The following KLF12 variants were observed in gnomAD, a reference collection of about 807,000 sequenced individuals.
The protein encoded by KLF12 is Krueppel-like factor 12.
A neutral mutation model predicts 37.8 loss-of-function variants in KLF12; 9 were observed. That is an observed-to-expected ratio of 0.24 (90% CI 0.14 to 0.42). The LOEUF (loss-of-function observed/expected upper bound fraction) is 0.42, where lower values mean the gene tolerates loss of function less well. KLF12 is among the 10% of genes least tolerant of loss of function. The pLI is 1.00. For missense variants in KLF12, 411 were observed against 516.0 expected (o/e 0.80, Z 1.97); for synonymous variants, 208 against 202.1 (o/e 1.03, Z -0.25).
At chr13:74,156,592 C>G in the KLF12 span, among the ~76,000 whole-genome samples, 1 of 151,856 alleles carries the variant, frequency 6.6e-6, no homozygotes, top group Non-Finnish European at 1.5e-5. Flanking sequence ...TTTTTGAGAC[C>G]CATTAGCCAT....
the KLF12 span, among the ~76,000 whole-genome samples, chr13:74,229,644 T>A: frequency 6.6e-6 from 1 of 152,186 alleles, no homozygotes; most frequent in Non-Finnish European, 1.5e-5. Context: ...ACTAACTACT[T>A]CTTTTAGGTT....
intron 4 of KLF12, among the ~76,000 whole-genome samples, chr13:73,843,816 T>C (rs1294570005): frequency 5.3e-5 from 8 of 152,224 alleles, no homozygotes; most frequent in African/African-American, 1.2e-4. Context: ...GCAGGGTTTA[T>C]ACTTAAATTT....
intron 3 of KLF12, among the ~76,000 whole-genome samples, chr13:73,916,231 A>C (rs897498566): frequency 1.3e-5 from 1 of 74,492 alleles, no homozygotes; most frequent in East Asian, 5.6e-4. Context: ...ACACACACAC[A>C]CACACACACG....
intron 6 of KLF12, among the ~76,000 whole-genome samples, chr13:73,758,915 G>C (rs1402616658): frequency 6.6e-6 from 1 of 152,038 alleles, no homozygotes; most frequent in Non-Finnish European, 1.5e-5. Context: ...TCTTTCATAC[G>C]GTCACTTTGG....
intron 6 of KLF12, among the ~76,000 whole-genome samples, chr13:73,736,178 A>G (rs1877452833): frequency 6.6e-6 from 1 of 152,098 alleles, no homozygotes; most frequent in Admixed American, 6.6e-5. Flanking sequence ...TTATGCCTCT[A>G]ACTCACCTCT....
chr13:73,705,626 C>T (rs1874875912), intron 7 of KLF12, among the ~76,000 whole-genome samples: 3 of 152,146 alleles, frequency 2.0e-5, no homozygotes, highest in African/African-American at 7.2e-5. Context: ...AATACAATTC[C>T]TTATTGTCTT....
intron 1 of KLF12, among the ~76,000 whole-genome samples, chr13:74,103,585 T>G (rs1876485764): frequency 6.6e-6 from 1 of 152,174 alleles, no homozygotes. Flanking sequence ...ATATCTTCGG[T>G]TGGAGCTGTT....
Position 73,695,324 on chromosome 13 carries a change from T to C in KLF12, c.*166A>G. The C allele has an allele frequency of 1.5e-6, 1 of 646,530 alleles. No homozygotes were observed. The highest frequency in any genetic ancestry group is 2.8e-5 in the East Asian group (1 of 36,230). The allele number at this position is 646,530 out of a possible 1,614,324, so 40.0% of individuals were successfully genotyped here. On this transcript the variant is annotated 3_prime_UTR_variant, in exon 8 of 8. Transcript: ENST00000377669. The stretch of plus-strand genomic sequence containing the variant: ...GTTCTCGTCTAGTCATGATGGGGGT[T>C]ACCTTCAGACCAAAAGAAGTGTGCC...
chr13:73,956,110 A>T (rs1437024774), intron 2 of KLF12, among the ~76,000 whole-genome samples: 1 of 152,210 alleles, frequency 6.6e-6, no homozygotes, highest in East Asian at 1.9e-4. Flanking sequence ...ATTCAACAGA[A>T]ATTTGGAATA....
chr13:73,987,848 A>G (rs1891867198), intron 2 of KLF12, among the ~76,000 whole-genome samples: 2 of 147,370 alleles, frequency 1.4e-5, no homozygotes, highest in Admixed American at 6.7e-5. Flanking sequence ...AAGTGGGGGA[A>G]GAGGAAAGAG....
chr13:74,275,870 CT>C, the KLF12 span, among the ~76,000 whole-genome samples: 224 of 95,730 alleles, frequency 2.3e-3, 3 homozygotes, highest in South Asian at 4.2e-3. Context: ...TTCTTTCTAT[CT>C]TTCTTTCTTC....
At chr13:74,195,198 A>G in the KLF12 span, among the ~76,000 whole-genome samples, 6,943 of 152,268 alleles carry the variant, frequency 0.046, 504 homozygotes, top group African/African-American at 0.16. Flanking sequence ...ATCACCATTC[A>G]CTAAAAGAAA....
chr13:73,776,561 C>T (rs183797941), intron 5 of KLF12, among the ~76,000 whole-genome samples: 19 of 152,262 alleles, frequency 1.2e-4, no homozygotes, highest in Admixed American at 6.5e-4. Context: ...CAAAATGCAC[C>T]GGGACTCTCA....
At chr13:73,761,366 G>C (rs1306022676) in intron 6 of KLF12, among the ~76,000 whole-genome samples, 6 of 152,272 alleles carry the variant, frequency 3.9e-5, no homozygotes, top group African/African-American at 1.4e-4. Flanking sequence ...GGAGACACAA[G>C]AAAAAGTCTC....
chr13:73,894,731 G>A (rs1887678522), intron 3 of KLF12, among the ~76,000 whole-genome samples: 1 of 152,098 alleles, frequency 6.6e-6, no homozygotes, highest in Non-Finnish European at 1.5e-5. Context: ...TGTGCTAGGA[G>A]GTTGTTGGCT....
At chr13:73,802,296 G>GA (rs1450379089) in intron 5 of KLF12, 4 of 151,898 alleles carry the variant, frequency 2.6e-5, no homozygotes, top group African/African-American at 9.7e-5. Flanking sequence ...AATTTTTAGG[G>GA]AAAAAAGTAC....
chr13:73,984,356 G>A (rs192826908), intron 2 of KLF12, among the ~76,000 whole-genome samples: 1 of 152,296 alleles, frequency 6.6e-6, no homozygotes, highest in East Asian at 1.9e-4. Context: ...TCTCCTCGCT[G>A]GCACAGGGAA....
the KLF12 span, among the ~76,000 whole-genome samples, chr13:74,216,545 A>T: frequency 2.0e-5 from 3 of 152,210 alleles, no homozygotes; most frequent in Non-Finnish European, 2.9e-5. Context: ...GTAGATAAGG[A>T]TAGTGCTTCT....
At chr13:73,778,133 C>CAAAA (rs781127764) in intron 5 of KLF12, among the ~76,000 whole-genome samples, 1 of 96,094 alleles carries the variant, frequency 1.0e-5, no homozygotes. Context: ...AAACTCTGTC[C>CAAAA]AAAAAAAAAA....
Sources: gnomAD v4.1 joint callset for allele counts (sites outside exome capture counted in the v4.1 genomes callset) on GRCh38, gnomAD v4.1.1 for gene constraint, MANE v1.5 for transcripts, NCBI Gene and HGNC (gene_info 2026-07-23, HGNC 2026-07-21) for gene names.